Variants in RALGAPA2 observed in about 807,000 individuals in gnomAD.
The protein encoded by RALGAPA2 is ral GTPase-activating protein subunit alpha-2.
In RALGAPA2, 139 loss-of-function variants were observed where a neutral mutation model predicts 230.4. The observed-to-expected ratio is 0.60, with a 90% CI of 0.53 to 0.69. The LOEUF (loss-of-function observed/expected upper bound fraction) is 0.69, where lower values mean the gene tolerates loss of function less well. RALGAPA2 is among the 30% of genes least tolerant of loss of function. The pLI is 0.00. For missense variants in RALGAPA2, 2,163 were observed against 2,276.0 expected (o/e 0.95, Z 1.01); for synonymous variants, 847 against 837.8 (o/e 1.01, Z -0.19).
intron 37 of RALGAPA2, among the ~76,000 whole-genome samples, chr20:20,449,880 C>A (rs1046013231): frequency 6.6e-6 from 1 of 152,158 alleles, no homozygotes; most frequent in Non-Finnish European, 1.5e-5. Context: ...ACAAGAATGG[C>A]CCGAAGACAT....
At chr20:20,579,280 C>A (rs560394204) in intron 20 of RALGAPA2, among the ~76,000 whole-genome samples, 1 of 152,124 alleles carries the variant, frequency 6.6e-6, no homozygotes, top group South Asian at 2.1e-4. Context: ...TGTATTTGTT[C>A]GCTGATTCAA....
chr20:20,589,434 A>G, intron 17 of RALGAPA2, 69 bp from the exon 18 acceptor site: 1 of 1,417,228 alleles, frequency 7.1e-7, no homozygotes, highest in Admixed American at 2.2e-5. Flanking sequence ...CCGGAAAATG[A>G]TTTTATATAT....
Position 20,467,549 on chromosome 20 carries a change from T to C in RALGAPA2, c.5495+5280A>G, listed in dbSNP as rs1326180781. ...ACACGTGGCCCTGCAGTCTGGAGCT[T>C]AGGTGCAAGAGCCATTGATTGATTG... On this transcript the variant is annotated intron_variant, in intron 37 of 39. Coordinates refer to ENST00000202677, the MANE Select transcript of RALGAPA2 (RefSeq NM_020343.4). Among the ~76,000 whole-genome samples, 3 of 152,168 alleles carry C rather than the reference T, an allele frequency of 2.0e-5. No individual in the cohort carries two copies. In the East Asian group the frequency reaches 5.8e-4, roughly 29 times the overall value.
At position 20,670,177 on chromosome 20, in the gene RALGAPA2, T is replaced by G. The variant is rs374267754; in HGVS notation, c.270+6059A>C. 1.9e-4 allele frequency among the ~76,000 whole-genome samples: 29 copies of G among 152,346 alleles called. 3 individuals are homozygous for G. The highest frequency in any genetic ancestry group is 7.0e-4 in the African/African-American group (29 of 41,576). The stretch of plus-strand genomic sequence containing the variant: ...CATTGTTGTATCTCCAGCACCTACG[T>G]GTGTCTGACACAGTGCATACCTAAT... On this transcript the variant is annotated intron_variant, in intron 3 of 39. Coordinates refer to ENST00000202677, the MANE Select transcript of RALGAPA2 (RefSeq NM_020343.4).
At chr20:20,423,053 T>C (rs2060310781) in intron 37 of RALGAPA2, among the ~76,000 whole-genome samples, 1 of 152,090 alleles carries the variant, frequency 6.6e-6, no homozygotes, top group Admixed American at 6.5e-5. Context: ...AGGGAGACAA[T>C]GCAGGGGAGG....
chr20:20,607,190 C>T (rs986651338), intron 14 of RALGAPA2, among the ~76,000 whole-genome samples: 2 of 152,142 alleles, frequency 1.3e-5, no homozygotes, highest in African/African-American at 4.8e-5. Flanking sequence ...GGAATTTACT[C>T]TTTAACATAG....
At chr20:20,542,975 C>T (rs2063688457) in intron 24 of RALGAPA2, among the ~76,000 whole-genome samples, 1 of 152,092 alleles carries the variant, frequency 6.6e-6, no homozygotes, top group South Asian at 2.1e-4. Context: ...GAACAGGCAA[C>T]CTACAGAAAG....
intron 2 of RALGAPA2, among the ~76,000 whole-genome samples, chr20:20,677,047 A>ATCAT (rs10601305): frequency 5.9e-5 from 9 of 152,084 alleles, no homozygotes; most frequent in African/African-American, 1.7e-4. Flanking sequence ...TGAAGTAGAT[A>ATCAT]TCATTCATTC....
intron 38 of RALGAPA2, among the ~76,000 whole-genome samples, chr20:20,403,983 A>G (rs2122699950): frequency 6.6e-6 from 1 of 152,342 alleles, no homozygotes; most frequent in South Asian, 2.1e-4. Context: ...GGTTCCCACC[A>G]CAGGTCACAG....
intron 37 of RALGAPA2, among the ~76,000 whole-genome samples, chr20:20,465,349 G>C (rs557154105): frequency 6.6e-6 from 1 of 152,284 alleles, no homozygotes; most frequent in African/African-American, 2.4e-5. Flanking sequence ...ATGGGAGGGT[G>C]AGGGGTCCTT....
chr20:20,674,216 A>AATG (rs947385883), intron 3 of RALGAPA2, among the ~76,000 whole-genome samples: 5 of 147,748 alleles, frequency 3.4e-5, no homozygotes, highest in Non-Finnish European at 6.0e-5. Context: ...TAATAATAAT[A>AATG]GTAATAGTAA....
intron 36 of RALGAPA2, among the ~76,000 whole-genome samples, chr20:20,473,966 T>G (rs565199538): frequency 6.6e-6 from 1 of 152,210 alleles, no homozygotes. Flanking sequence ...CAAAAATCCC[T>G]GAATTTATTG....
intron 1 of RALGAPA2, among the ~76,000 whole-genome samples, chr20:20,692,505 C>T (rs749472705): frequency 6.6e-6 from 1 of 152,166 alleles, no homozygotes; most frequent in African/African-American, 2.4e-5. Context: ...CTCCACAAAG[C>T]AGTGCCCCTC....
intron 37 of RALGAPA2, among the ~76,000 whole-genome samples, chr20:20,446,489 CAAG>C (rs1295847812): frequency 6.6e-6 from 1 of 152,148 alleles, no homozygotes; most frequent in Non-Finnish European, 1.5e-5. Flanking sequence ...TTGAAATCAA[CAAG>C]GAGGAGAGGA....
chr20:20,702,704 T>C (rs544434710), intron 1 of RALGAPA2, among the ~76,000 whole-genome samples: 9 of 152,336 alleles, frequency 5.9e-5, no homozygotes, highest in African/African-American at 1.9e-4. Flanking sequence ...CACATTCTTA[T>C]GGCTCTCATA....
chr20:20,508,461 C>T (rs1476929952), intron 33 of RALGAPA2, among the ~76,000 whole-genome samples: 3 of 152,166 alleles, frequency 2.0e-5, no homozygotes, highest in Non-Finnish European at 2.9e-5. Flanking sequence ...CAAAGAAAAG[C>T]ATGATTTTAA....
At chr20:20,651,654 A>C (rs1182721557) in intron 4 of RALGAPA2, among the ~76,000 whole-genome samples, 1 of 152,252 alleles carries the variant, frequency 6.6e-6, no homozygotes, top group African/African-American at 2.4e-5. Context: ...CTAGACACAT[A>C]GTTTCACAAC....
chr20:20,608,403 G>A (rs2065885836), intron 14 of RALGAPA2, among the ~76,000 whole-genome samples: 1 of 152,068 alleles, frequency 6.6e-6, no homozygotes, highest in African/African-American at 2.4e-5. Context: ...CAATAAGGCA[G>A]TCACCATTAT....
chr20:20,615,738 GGTGA>G (rs1290949178), intron 13 of RALGAPA2, among the ~76,000 whole-genome samples: 7 of 151,962 alleles, frequency 4.6e-5, no homozygotes, highest in African/African-American at 1.2e-4. Flanking sequence ...CTGAGCTTAT[GGTGA>G]GTATTATAAA....
Sources: gnomAD v4.1 joint callset for allele counts (sites outside exome capture counted in the v4.1 genomes callset) on GRCh38, gnomAD v4.1.1 for gene constraint, MANE v1.5 for transcripts, NCBI Gene and HGNC (gene_info 2026-07-23, HGNC 2026-07-21) for gene names.